TOX3: variants seen among roughly 807,000 people sequenced by gnomAD.
TOX3 encodes the protein TOX high mobility group box family member 3.
A neutral mutation model predicts 64.3 loss-of-function variants in TOX3; 22 were observed. The observed-to-expected ratio is 0.34, with a 90% CI of 0.24 to 0.49. The LOEUF (loss-of-function observed/expected upper bound fraction) is 0.49, where lower values mean the gene tolerates loss of function less well. Ranked by LOEUF, TOX3 falls within the 20% of genes least tolerant of loss-of-function variation. The pLI, the probability that TOX3 is intolerant of heterozygous loss-of-function variation, is 0.99. For synonymous variants in TOX3, 291 were observed against 273.6 expected, an observed-to-expected ratio of 1.06 and a Z score of -0.63; for missense variants, 661 against 714.4, an observed-to-expected ratio of 0.93 and a Z score of 0.85.
chr16:52,472,025 C>CA (rs1311397117), intron 1 of TOX3, among the ~76,000 whole-genome samples: 2 of 152,088 alleles, frequency 1.3e-5, no homozygotes, highest in Non-Finnish European at 2.9e-5. Flanking sequence ...CTATTTTACT[C>CA]AAAGTTAGAA....
intron 1 of TOX3, among the ~76,000 whole-genome samples, chr16:52,516,044 T>A (rs1440110435): frequency 6.6e-6 from 1 of 151,950 alleles, no homozygotes; most frequent in Non-Finnish European, 1.5e-5. Context: ...TTTAAAAAAA[T>A]CCTCAAAGAA....
intron 1 of TOX3, among the ~76,000 whole-genome samples, chr16:52,535,190 G>A (rs954310908): frequency 2.6e-5 from 4 of 152,048 alleles, no homozygotes; most frequent in East Asian, 1.9e-4. Context: ...CTCACCCATC[G>A]CTCACTCACA....
At chr16:52,509,319 G>A (rs1214249988) in intron 1 of TOX3, among the ~76,000 whole-genome samples, 2 of 152,086 alleles carry the variant, frequency 1.3e-5, no homozygotes, top group Non-Finnish European at 2.9e-5. Flanking sequence ...AATATAATTA[G>A]TTTCTATTCC....
chr16:52,490,461 G>C (rs1439144385), intron 1 of TOX3, among the ~76,000 whole-genome samples: 1 of 151,832 alleles, frequency 6.6e-6, no homozygotes, highest in African/African-American at 2.4e-5. Context: ...TTAAAATAAT[G>C]GAAAATACTG....
At chr16:52,509,075 T>C (rs1962234641) in intron 1 of TOX3, among the ~76,000 whole-genome samples, 1 of 152,210 alleles carries the variant, frequency 6.6e-6, no homozygotes, top group Non-Finnish European at 1.5e-5. Flanking sequence ...CTACTTTGAG[T>C]GTCTTTCTTC....
intron 1 of TOX3, among the ~76,000 whole-genome samples, chr16:52,499,943 T>C (rs953117734): frequency 6.6e-6 from 1 of 152,190 alleles, no homozygotes; most frequent in Non-Finnish European, 1.5e-5. Context: ...GCACCAATCT[T>C]TGGCCTGAAC....
intron 1 of TOX3, among the ~76,000 whole-genome samples, chr16:52,513,479 G>A (rs964293704): frequency 6.6e-6 from 1 of 152,154 alleles, no homozygotes; most frequent in African/African-American, 2.4e-5. Context: ...TAGATGAGAT[G>A]GAAATTGAAA....
intron 3 of TOX3, among the ~76,000 whole-genome samples, chr16:52,463,240 GA>G (rs1024082910): frequency 1.3e-5 from 2 of 151,594 alleles, no homozygotes; most frequent in East Asian, 3.9e-4. Context: ...TGCTATGATG[GA>G]AAAAAAAGAA....
At chr16:52,494,449 C>A (rs45603543) in intron 1 of TOX3, among the ~76,000 whole-genome samples, 303 of 152,314 alleles carry the variant, frequency 2.0e-3, no homozygotes, top group Non-Finnish European at 3.6e-3. Flanking sequence ...AGGAAATACA[C>A]CTCTATTACA....
intron 1 of TOX3, among the ~76,000 whole-genome samples, chr16:52,541,304 T>C (rs1026156110): frequency 1.3e-5 from 2 of 152,228 alleles, no homozygotes; most frequent in Admixed American, 1.3e-4. Context: ...GGCAGTAACC[T>C]TTCCGGGTTT....
In TOX3 at chr16:52,439,162, A is replaced by G; in HGVS notation, c.*63T>C. 6.2e-7 allele frequency: 1 copy of G among 1,607,970 alleles called. No individual in the cohort carries two copies. The highest frequency in any genetic ancestry group is 1.3e-5 in the African/African-American group (1 of 74,970). ...ACACCAACTTACAGGTTTCAGCCAC[A>G]TATGCTTTTCCCTCCTATGCCACTC... On this transcript the variant is annotated 3_prime_UTR_variant, in exon 7 of 7. Coordinates refer to ENST00000219746, the MANE Select transcript of TOX3 (RefSeq NM_001080430.4).
intron 1 of TOX3, among the ~76,000 whole-genome samples, chr16:52,499,976 T>C (rs910895287): frequency 6.6e-6 from 1 of 152,206 alleles, no homozygotes; most frequent in African/African-American, 2.4e-5. Flanking sequence ...GGCTACAAAG[T>C]GACAACTACA....
intron 1 of TOX3, among the ~76,000 whole-genome samples, chr16:52,542,074 G>A (rs1186737342): frequency 6.6e-6 from 1 of 152,176 alleles, no homozygotes; most frequent in Non-Finnish European, 1.5e-5. Flanking sequence ...TTAAATGCAG[G>A]ATGTGGATGC....
intron 1 of TOX3, among the ~76,000 whole-genome samples, chr16:52,488,686 C>G (rs555784871): frequency 4.6e-5 from 7 of 151,968 alleles, no homozygotes; most frequent in African/African-American, 1.4e-4. Flanking sequence ...GGAAGTAGAC[C>G]AAAAAAATTG....
intron 1 of TOX3, among the ~76,000 whole-genome samples, chr16:52,520,267 T>C (rs1962573372): frequency 6.6e-6 from 1 of 152,248 alleles, no homozygotes; most frequent in South Asian, 2.1e-4. Context: ...TATTATGCTA[T>C]AATTTTTCTT....
At chr16:52,481,834 A>G (rs569310964) in intron 1 of TOX3, among the ~76,000 whole-genome samples, 67 of 152,326 alleles carry the variant, frequency 4.4e-4, no homozygotes, top group African/African-American at 1.5e-3. Flanking sequence ...ATGGGTGATC[A>G]TATAGCTATC....
At chr16:52,491,361 T>C (rs1961682260) in intron 1 of TOX3, among the ~76,000 whole-genome samples, 1 of 152,152 alleles carries the variant, frequency 6.6e-6, no homozygotes, top group Non-Finnish European at 1.5e-5. Flanking sequence ...TTCTTCCTAA[T>C]TAAGCTGTGA....
chr16:52,533,897 T>C (rs1392565390), intron 1 of TOX3, among the ~76,000 whole-genome samples: 1 of 152,118 alleles, frequency 6.6e-6, no homozygotes, highest in Non-Finnish European at 1.5e-5. Flanking sequence ...CAGGAAGGAC[T>C]GTTGGAAGGA....
At chr16:52,537,770 C>A (rs1170779845) in intron 1 of TOX3, among the ~76,000 whole-genome samples, 1 of 150,000 alleles carries the variant, frequency 6.7e-6, no homozygotes, top group Non-Finnish European at 1.5e-5. Context: ...GCTGCTGAAA[C>A]ATGCAAGAAA....
Sources: allele counts gnomAD v4.1 joint callset (sites outside exome capture counted in the v4.1 genomes callset), GRCh38; gene constraint gnomAD v4.1.1; transcripts MANE v1.5; gene names NCBI Gene and HGNC (gene_info 2026-07-23, HGNC 2026-07-21).